The following ZNF385D variants were observed in gnomAD, a reference collection of about 807,000 sequenced individuals.
ZNF385D encodes zinc finger protein 659.
A neutral mutation model predicts 35.8 loss-of-function variants in ZNF385D; 15 were observed. That is an observed-to-expected ratio of 0.42 (90% CI 0.28 to 0.64). The LOEUF is 0.64. Among genes scored for constraint, ZNF385D ranks in the 30% least tolerant of loss-of-function variants. ZNF385D has a pLI of 0.23. For synonymous variants in ZNF385D, 212 were observed against 186.8 expected, an observed-to-expected ratio of 1.13 and a Z score of -1.10; for missense variants, 474 against 494.6, an observed-to-expected ratio of 0.96 and a Z score of 0.39.
rs1700546088 is a variant in ZNF385D at position 21,415,247 on chromosome 3, T to A, written c.*5967A>T. On this transcript the variant is annotated 3_prime_UTR_variant, in exon 8 of 8. Transcript: ENST00000281523. Reference sequence around the variant, plus strand: ...TCTCTGCTAATTTTCCGTTGTCTTGTTATACCATGTCCTGCACACTACCTG... The same window carrying A: ...TCTCTGCTAATTTTCCGTTGTCTTGATATACCATGTCCTGCACACTACCTG... 6.6e-6 allele frequency: 1 copy of A among 152,150 alleles called. No individual in the cohort carries two copies. Among genetic ancestry groups the A allele is most frequent in the South Asian group, 2.1e-4 (1 of 4,828 alleles). The allele number at this position is 152,150 out of a possible 1,614,324, so 9.4% of individuals were successfully genotyped here.
At chr3:22,062,946 A>G (rs573234677) in intron 3 of ZNF385D, among the ~76,000 whole-genome samples, 1 of 152,268 alleles carries the variant, frequency 6.6e-6, no homozygotes, top group East Asian at 1.9e-4. Flanking sequence ...TGATGTCTCC[A>G]CTACAACAGA....
intron 2 of ZNF385D, among the ~76,000 whole-genome samples, chr3:22,239,965 C>G (rs1205856098): frequency 6.7e-6 from 1 of 149,362 alleles, no homozygotes; most frequent in Admixed American, 6.7e-5. Flanking sequence ...TCACTCGAGT[C>G]TAGGAGTTCA....
At position 22,271,583 on chromosome 3, in the gene ZNF385D, G is replaced by T. The variant is rs373198137; in HGVS notation, c.106+100867C>A. ...CACATTCTCTTCATACCCTTAAGTT[G>T]ATCCCAGCCACACTCCATGTTCTTT... On this transcript the variant is annotated intron_variant, in intron 2 of 5. Coordinates refer to the ZNF385D transcript ENST00000494108. Among the ~76,000 whole-genome samples, 264 of 151,868 alleles carry T rather than the reference G, an allele frequency of 1.7e-3. 3 individuals are homozygous for T. Among genetic ancestry groups the T allele is most frequent in the African/African-American group, 5.4e-3 (225 of 41,434 alleles).
chr3:22,065,057 C>T (rs1470967861), intron 3 of ZNF385D, among the ~76,000 whole-genome samples: 1 of 152,158 alleles, frequency 6.6e-6, no homozygotes, highest in Non-Finnish European at 1.5e-5. Context: ...CACCCACTAG[C>T]TATAAGTCCT....
In ZNF385D at chr3:22,102,685, T is replaced by A. The variant is rs141812180; in HGVS notation, c.325+66132A>T. On this transcript the variant is annotated intron_variant, in intron 3 of 5. Coordinates refer to the ZNF385D transcript ENST00000494108. ...GAATAAAGAAAAAGAATAAAGGCCTTAACCTATATTTAAACTTAGAAGGGG... is the reference window on the plus strand; with the variant it reads ...GAATAAAGAAAAAGAATAAAGGCCTAAACCTATATTTAAACTTAGAAGGGG... Among the ~76,000 whole-genome samples, 30 of 152,152 alleles carry A rather than the reference T, an allele frequency of 2.0e-4. No homozygotes were observed. The East Asian group carries it at 5.6e-3, about 28-fold the overall frequency.
chr3:21,970,602 A>C (rs941529982), intron 3 of ZNF385D, among the ~76,000 whole-genome samples: 1 of 149,604 alleles, frequency 6.7e-6, no homozygotes, highest in African/African-American at 2.4e-5. Context: ...ATTGGCCTTA[A>C]AGAGTAGAGA....
At chr3:22,261,102 T>C (rs973548123) in intron 2 of ZNF385D, among the ~76,000 whole-genome samples, 1 of 145,522 alleles carries the variant, frequency 6.9e-6, no homozygotes, top group African/African-American at 2.8e-5. Flanking sequence ...TATCCATCCA[T>C]CCATCCATCC....
rs1700573672 is a variant in ZNF385D at position 21,417,148 on chromosome 3, C to G, written c.*4066G>C. On this transcript the variant is annotated 3_prime_UTR_variant, in exon 8 of 8. Coordinates refer to ENST00000281523, the MANE Select transcript of ZNF385D (RefSeq NM_024697.3). ...AAGGAATACAGAATATTTTTCTGGA[C>G]ATATGCAAGTATGTGAGTAGCTGCA... is the stretch of plus-strand genomic sequence containing the variant. The G allele has an allele frequency of 6.6e-6, 1 of 152,070 alleles. No individual in the cohort carries two copies. The highest frequency in any genetic ancestry group is 2.1e-4 in the South Asian group (1 of 4,822). The allele number at this position is 152,070 out of a possible 1,614,324, so 9.4% of individuals were successfully genotyped here.
chr3:21,726,076 C>G (rs1272389846), intron 1 of ZNF385D, among the ~76,000 whole-genome samples: 1 of 152,136 alleles, frequency 6.6e-6, no homozygotes, highest in African/African-American at 2.4e-5. Context: ...ATGACAAAAA[C>G]CACATGATTA....
At chr3:21,924,393 G>A (rs949378859) in intron 3 of ZNF385D, among the ~76,000 whole-genome samples, 11 of 152,154 alleles carry the variant, frequency 7.2e-5, no homozygotes, top group Admixed American at 1.3e-4. Context: ...AAAGAGTGCA[G>A]ATGAAAAAAG....
intron 3 of ZNF385D, among the ~76,000 whole-genome samples, chr3:21,875,877 T>C (rs1697937833): frequency 6.6e-6 from 1 of 152,096 alleles, no homozygotes; most frequent in Non-Finnish European, 1.5e-5. Flanking sequence ...AACAATTTCC[T>C]ACATCCATAG....
At chr3:21,575,125 C>T (rs1041628417) in intron 2 of ZNF385D, among the ~76,000 whole-genome samples, 17 of 152,164 alleles carry the variant, frequency 1.1e-4, no homozygotes, top group African/African-American at 1.9e-4. Flanking sequence ...TTTACAGATA[C>T]GTAAAAATGC....
chr3:21,798,273 A>T (rs6781203), intron 3 of ZNF385D, among the ~76,000 whole-genome samples: 1 of 152,142 alleles, frequency 6.6e-6, no homozygotes, highest in African/African-American at 2.4e-5. Flanking sequence ...GCATGGCCTC[A>T]CTCGGCTGAA....
chr3:22,077,653 T>C (rs544312763), intron 3 of ZNF385D, among the ~76,000 whole-genome samples: 5 of 151,996 alleles, frequency 3.3e-5, no homozygotes, highest in Non-Finnish European at 7.4e-5. Context: ...ATATTTGCTA[T>C]TGTTTTGGTT....
intron 3 of ZNF385D, among the ~76,000 whole-genome samples, chr3:22,004,922 G>C (rs1271418230): frequency 6.6e-6 from 1 of 151,938 alleles, no homozygotes; most frequent in Non-Finnish European, 1.5e-5. Flanking sequence ...ACCACTTTGG[G>C]CACACGTCAT....
At chr3:21,940,507 A>T (rs479923) in intron 3 of ZNF385D, among the ~76,000 whole-genome samples, 4 of 152,128 alleles carry the variant, frequency 2.6e-5, no homozygotes, top group Admixed American at 1.3e-4. Context: ...TCAACATTCA[A>T]GTCAACAAAG....
At chr3:22,049,951 T>C (rs1559333862) in intron 3 of ZNF385D, among the ~76,000 whole-genome samples, 2 of 152,296 alleles carry the variant, frequency 1.3e-5, no homozygotes, top group South Asian at 4.1e-4. Flanking sequence ...ATAATGGCCA[T>C]AGTTTTCTTT....
At chr3:22,241,370 A>G (rs1374296293) in intron 2 of ZNF385D, among the ~76,000 whole-genome samples, 3 of 150,974 alleles carry the variant, frequency 2.0e-5, no homozygotes, top group Non-Finnish European at 4.4e-5. Flanking sequence ...TGTCAATTCT[A>G]TATTGGTTTT....
intron 3 of ZNF385D, among the ~76,000 whole-genome samples, chr3:21,530,780 A>G (rs1049711687): frequency 1.3e-5 from 2 of 152,188 alleles, no homozygotes; most frequent in Non-Finnish European, 2.9e-5. Context: ...AAAGGAAAAG[A>G]AGAAGGAAGA....
Sources: gnomAD v4.1 joint callset for allele counts (sites outside exome capture counted in the v4.1 genomes callset) on GRCh38, gnomAD v4.1.1 for gene constraint, MANE v1.5 for transcripts, NCBI Gene and HGNC (gene_info 2026-07-23, HGNC 2026-07-21) for gene names.